MAP3K13: variants seen among roughly 807,000 people sequenced by gnomAD.
MAP3K13 encodes the protein mitogen-activated protein kinase kinase kinase 13, also known as leucine zipper-bearing kinase.
In MAP3K13, 52 loss-of-function variants were observed where a neutral mutation model predicts 104.0. The observed-to-expected ratio is 0.50, with a 90% CI of 0.40 to 0.63. The LOEUF is 0.63. MAP3K13 is among the 20% of genes least tolerant of loss of function. The pLI is 0.00. For missense variants in MAP3K13, 914 were observed against 1,218.5 expected (o/e 0.75, Z 3.72); for synonymous variants, 394 against 442.2 (o/e 0.89, Z 1.37).
Position 185,482,539 on chromosome 3 carries a change from C to G in MAP3K13, c.*83C>G, listed in dbSNP as rs1718526163. ...ACCCCCAGACTCATCCCACTCTCTC[C>G]CAGCATTTTGTCTGGGAAGAGAGAC... is the stretch of plus-strand genomic sequence containing the variant. On this transcript the variant is annotated 3_prime_UTR_variant, in exon 14 of 14. Coordinates refer to ENST00000265026, the MANE Select transcript of MAP3K13 (RefSeq NM_004721.5). The surrounding 1 kb of genome is among the most constrained non-coding windows in gnomAD (Gnocchi z 4.5). 1 of 1,027,520 alleles carries G rather than the reference C, an allele frequency of 9.7e-7. No individual in the cohort carries two copies. Among genetic ancestry groups the G allele is most frequent in the African/African-American group, 1.6e-5 (1 of 63,662 alleles). The allele number at this position is 1,027,520 out of a possible 1,614,324, so 63.7% of individuals were successfully genotyped here. A position where few individuals can be genotyped will look rare whatever the true frequency, so the allele number is the denominator to read the frequency against.
intron 1 of MAP3K13, among the ~76,000 whole-genome samples, chr3:185,390,942 T>C (rs546942641): frequency 1.4e-4 from 22 of 152,098 alleles, no homozygotes; most frequent in Non-Finnish European, 3.1e-4. Flanking sequence ...TTCTTATACC[T>C]GCATCAACAG....
At chr3:185,292,776 A>T (rs1348939914) in intron 2 of MAP3K13, 2 of 985,284 alleles carry the variant, frequency 2.0e-6, no homozygotes, top group African/African-American at 3.5e-5. Flanking sequence ...GAGTCCCTAA[A>T]ATACTATCAT....
chr3:185,371,582 T>G (rs1168875574), intron 1 of MAP3K13, among the ~76,000 whole-genome samples: 1 of 152,212 alleles, frequency 6.6e-6, no homozygotes, highest in African/African-American at 2.4e-5. Flanking sequence ...AGTGAAATTC[T>G]GGATTCACAA....
chr3:185,459,447 TAAAAAA>T, intron 7 of MAP3K13, among the ~76,000 whole-genome samples: 1 of 152,134 alleles, frequency 6.6e-6, no homozygotes, highest in Middle Eastern at 3.4e-3. Context: ...TTTTAACCAT[TAAAAAA>T]AATTTTTTTT....
chr3:185,297,836 G>T (rs1720971027), intron 2 of MAP3K13, among the ~76,000 whole-genome samples: 1 of 151,774 alleles, frequency 6.6e-6, no homozygotes, highest in Admixed American at 6.6e-5. Context: ...TAGACTTCAA[G>T]AAATTTTTCA....
intron 1 of MAP3K13, among the ~76,000 whole-genome samples, chr3:185,388,013 T>G (rs1711796853): frequency 6.6e-6 from 1 of 151,580 alleles, no homozygotes. Context: ...CTTAGGTGGT[T>G]AAAAAAGTTT....
chr3:185,422,224 G>A (rs1714174572), intron 1 of MAP3K13, among the ~76,000 whole-genome samples: 2 of 152,152 alleles, frequency 1.3e-5, no homozygotes, highest in South Asian at 2.1e-4. Context: ...ATGATACCAC[G>A]GCTATTTGTT....
intron 2 of MAP3K13, among the ~76,000 whole-genome samples, chr3:185,324,859 T>C (rs1721994675): frequency 1.3e-5 from 2 of 152,124 alleles, no homozygotes; most frequent in African/African-American, 2.4e-5. Context: ...CCATTAGAGT[T>C]TGACAAGATT....
chr3:185,455,489 G>A (rs868189261), intron 7 of MAP3K13, among the ~76,000 whole-genome samples: 1 of 45,690 alleles, frequency 2.2e-5, no homozygotes, highest in African/African-American at 6.3e-5. Context: ...ATATATATGA[G>A]ATATATACAT....
In MAP3K13 at chr3:185,315,644, T is replaced by A. The variant is rs1341409684; in HGVS notation, c.-86+30001T>A. On this transcript the variant is annotated intron_variant, in intron 2 of 14. Coordinates refer to the MAP3K13 transcript ENST00000424227. The surrounding 1 kb of genome is among the most constrained non-coding windows in gnomAD (Gnocchi z 4.3). ...AGAAATCCAAAACAAGCAAATTGTT[T>A]CACTATAACACTTAACAAATTTTGT... Among the ~76,000 whole-genome samples, 1 of 152,224 alleles carries A rather than the reference T, an allele frequency of 6.6e-6. No homozygotes were observed. Among genetic ancestry groups the A allele is most frequent in the African/African-American group, 2.4e-5 (1 of 41,450 alleles).
chr3:185,320,361 A>G (rs1721814307), intron 2 of MAP3K13, among the ~76,000 whole-genome samples: 1 of 152,174 alleles, frequency 6.6e-6, no homozygotes, highest in Admixed American at 6.5e-5. Context: ...GATTACAGGC[A>G]TGAGCCATTG....
In MAP3K13 at chr3:185,480,353, G is replaced by A. The variant is rs1206003203; in HGVS notation, c.2623G>A (p.Asp875Asn). ...DHSNSPDELA[D>N]KLEDRLAEKL... ...CTCAAACAGTCCTGATGAGTTAGCT[G>A]ATAAACTTGAAGACCGCTTGGCAGA... The change falls in exon 13 of 14, where the codon GAT (aspartate) becomes AAT (asparagine). Residue 875 changes from aspartate (D) to asparagine (N), a missense_variant. Transcript: ENST00000265026. The A allele has an allele frequency of 6.2e-7, 1 of 1,614,088 alleles. No homozygotes were observed. The highest frequency in any genetic ancestry group is 2.2e-5 in the East Asian group (1 of 44,898).
intron 7 of MAP3K13, among the ~76,000 whole-genome samples, chr3:185,454,008 G>T (rs1383997497): frequency 0.013 from 155 of 11,956 alleles, 11 homozygotes; most frequent in African/African-American, 0.025. Context: ...ATATATATGA[G>T]ATATATATAT....
intron 2 of MAP3K13, among the ~76,000 whole-genome samples, chr3:185,320,244 C>A (rs1577420622): frequency 6.6e-6 from 1 of 152,170 alleles, no homozygotes; most frequent in Admixed American, 6.5e-5. Context: ...CCACGCCCAG[C>A]TAATTTTTGT....
chr3:185,427,803 G>T (rs1309674696), intron 1 of MAP3K13, among the ~76,000 whole-genome samples: 1 of 152,154 alleles, frequency 6.6e-6, no homozygotes, highest in Non-Finnish European at 1.5e-5. Flanking sequence ...GATAGGCCGG[G>T]CACGGTGGCT....
intron 1 of MAP3K13, among the ~76,000 whole-genome samples, chr3:185,400,060 A>G (rs1712699828): frequency 6.6e-6 from 1 of 152,130 alleles, no homozygotes; most frequent in African/African-American, 2.4e-5. Context: ...CTGAAACAGA[A>G]TCATCTTTCA....
chr3:185,437,401 T>A, intron 2 of MAP3K13, 46 bp from the exon 3 acceptor site: 1 of 1,555,102 alleles, frequency 6.4e-7, no homozygotes, highest in Non-Finnish European at 8.8e-7. Flanking sequence ...TGTAGAGTGG[T>A]CCCTTCTGAG....
chr3:185,473,847 G>A lies in MAP3K13; in HGVS notation c.2430+86G>A. On this transcript the variant is annotated intron_variant, in intron 11 of 13. Transcript: ENST00000265026. The surrounding 1 kb of genome is among the most constrained non-coding windows in gnomAD (Gnocchi z 4.9). The stretch of plus-strand genomic sequence containing the variant: ...ATGTTATACACATTAGAGAGCATAT[G>A]TAAAAAGTATACATTTTGTAAAAGG... The A allele has an allele frequency of 1.5e-6, 2 of 1,342,954 alleles. No homozygotes were observed. Among genetic ancestry groups the A allele is most frequent in the South Asian group, 1.5e-5 (1 of 68,720 alleles). The allele number at this position is 1,342,954 out of a possible 1,614,324, so 83.2% of individuals were successfully genotyped here. A position where few individuals can be genotyped will look rare whatever the true frequency, so the allele number is the denominator to read the frequency against.
intron 2 of MAP3K13, among the ~76,000 whole-genome samples, chr3:185,330,380 A>G (rs1440066911): frequency 2.6e-5 from 4 of 151,562 alleles, no homozygotes; most frequent in African/African-American, 9.7e-5. Flanking sequence ...CCCCAACTGA[A>G]TCTCGGTGAG....
Sources: gnomAD v4.1 joint callset for allele counts (sites outside exome capture counted in the v4.1 genomes callset) on GRCh38, gnomAD v4.1.1 for gene constraint, Gnocchi (gnomAD v3.1) non-coding constraint, MANE v1.5 for transcripts, NCBI Gene and HGNC (gene_info 2026-07-23, HGNC 2026-07-21) for gene names.